Variants in FHIT observed in about 807,000 individuals in gnomAD.
FHIT encodes the protein bis(5'-adenosyl)-triphosphatase.
A neutral mutation model predicts 17.9 loss-of-function variants in FHIT; 19 were observed. The ratio of observed to expected loss-of-function variants is 1.06; its 90% CI spans 0.74 to 1.56. The LOEUF (loss-of-function observed/expected upper bound fraction) is 1.56, where lower values mean the gene tolerates loss of function less well. Among genes scored for constraint, FHIT ranks in the 40% most tolerant of loss-of-function variants. The probability of loss-of-function intolerance (pLI) is 0.00; values close to 1 mark genes in which losing one functional copy is unlikely to be tolerated. For missense variants in FHIT, 248 were observed against 189.2 expected (o/e 1.31, Z -1.82); for synonymous variants, 81 against 69.7 (o/e 1.16, Z -0.81).
intron 3 of FHIT, among the ~76,000 whole-genome samples, chr3:60,877,933 G>T (rs1196154333): frequency 6.6e-6 from 1 of 152,056 alleles, no homozygotes; most frequent in South Asian, 2.1e-4. Context: ...GCCACATGGA[G>T]TCTGGGATAC....
At position 60,146,277 on chromosome 3, in the gene FHIT, G is replaced by A. The variant is rs976061667; in HGVS notation, c.104-132125C>T. Among the ~76,000 whole-genome samples the A allele has an allele frequency of 6.6e-5, 10 of 151,216 alleles. 1 individual carries two copies. The highest frequency in any genetic ancestry group is 2.2e-4 in the African/African-American group (9 of 41,158). On this transcript the variant is annotated intron_variant, in intron 5 of 9. Transcript: ENST00000492590. The stretch of plus-strand genomic sequence containing the variant: ...AAAAAAAAAGGGCAGGGGGTAGGAG[G>A]GGGCTGACTTGCAGCCAATTTCAAG...
chr3:59,790,520 CTCTCTCTCTGTG>C, intron 8 of FHIT, among the ~76,000 whole-genome samples: 1 of 139,808 alleles, frequency 7.2e-6, no homozygotes, highest in Non-Finnish European at 1.5e-5. Flanking sequence ...CTCTCTCTCT[CTCTCTCTCTGTG>C]TGTGTGTGTG....
chr3:60,327,606 A>G lies in FHIT; in HGVS notation c.103+209254T>C, dbSNP rs146530613. Among the ~76,000 whole-genome samples the G allele has an allele frequency of 2.8e-3, 427 of 152,332 alleles. 7 individuals carry two copies. In the East Asian group the frequency reaches 0.066, roughly 24 times the overall value. ...ATATTTAATATTATGAATGAATGTG[A>G]TAACTCCAAACCAGCCAACCCTCCT... On this transcript the variant is annotated intron_variant, in intron 5 of 9. Coordinates refer to ENST00000492590, the MANE Select transcript of FHIT (RefSeq NM_002012.4).
At chr3:60,193,912 C>T (rs1469961185) in intron 5 of FHIT, among the ~76,000 whole-genome samples, 1 of 152,120 alleles carries the variant, frequency 6.6e-6, no homozygotes, top group Non-Finnish European at 1.5e-5. Flanking sequence ...AATGGGCTCG[C>T]TTTCCAATCT....
rs573347741 is a variant in FHIT, at chr3:60,586,367, T to C, written c.-17-49388A>G. 2.6e-5 allele frequency among the ~76,000 whole-genome samples: 4 copies of C among 152,098 alleles called. No homozygotes were observed. In the South Asian group the frequency reaches 8.3e-4, roughly 32 times the overall value. ...GCTCTTATCCAGCAAAGTTTAAAGT[T>C]AGAGATAAAAACAACAACAAAAACC... On this transcript the variant is annotated intron_variant, in intron 4 of 9. Transcript: ENST00000492590.
chr3:60,634,292 A>C (rs1381412139), intron 4 of FHIT, among the ~76,000 whole-genome samples: 37 of 118,740 alleles, frequency 3.1e-4, no homozygotes, highest in African/African-American at 6.5e-4. Flanking sequence ...CTAAAACAAC[A>C]AAAAAAAAAT....
chr3:61,147,797 T>C (rs1436324793), intron 2 of FHIT, among the ~76,000 whole-genome samples: 1 of 151,998 alleles, frequency 6.6e-6, no homozygotes. Context: ...TGGCAACTTA[T>C]TCATTTACAG....
At chr3:60,241,535 G>A (rs1424076906) in intron 5 of FHIT, among the ~76,000 whole-genome samples, 1 of 152,048 alleles carries the variant, frequency 6.6e-6, no homozygotes, top group African/African-American at 2.4e-5. Flanking sequence ...CTATTAATCT[G>A]TAGTTTTTTT....
chr3:61,098,125 A>T (rs907455162), intron 2 of FHIT, among the ~76,000 whole-genome samples: 1 of 152,154 alleles, frequency 6.6e-6, no homozygotes, highest in African/African-American at 2.4e-5. Context: ...TAATTTTTGT[A>T]TATGATATAA....
chr3:60,573,189 G>T (rs909686392), intron 4 of FHIT, among the ~76,000 whole-genome samples: 1 of 152,096 alleles, frequency 6.6e-6, no homozygotes, highest in Non-Finnish European at 1.5e-5. Context: ...GGCCTGGATG[G>T]AATGCAATCA....
chr3:60,015,634 T>G (rs1457752839), intron 5 of FHIT, among the ~76,000 whole-genome samples: 2 of 152,122 alleles, frequency 1.3e-5, no homozygotes, highest in African/African-American at 2.4e-5. Context: ...CACCCTCACT[T>G]AGGCCTGACT....
chr3:61,231,089 C>G (rs1430020872), intron 1 of FHIT, among the ~76,000 whole-genome samples: 1 of 152,108 alleles, frequency 6.6e-6, no homozygotes, highest in African/African-American at 2.4e-5. Context: ...TATAGTTTTA[C>G]AAAATGTTAT....
intron 5 of FHIT, among the ~76,000 whole-genome samples, chr3:60,504,950 TA>T (rs1384695334): frequency 2.0e-5 from 3 of 152,240 alleles, no homozygotes; most frequent in Admixed American, 2.0e-4. Flanking sequence ...GTCAAACTGC[TA>T]TACGTCAGCA....
At chr3:61,125,898 T>C (rs925017278) in intron 2 of FHIT, among the ~76,000 whole-genome samples, 7 of 152,210 alleles carry the variant, frequency 4.6e-5, no homozygotes, top group Admixed American at 2.6e-4. Context: ...CCTTGACATA[T>C]AGAATCTTCT....
At chr3:59,804,182 G>T (rs1465176730) in intron 8 of FHIT, among the ~76,000 whole-genome samples, 1 of 152,212 alleles carries the variant, frequency 6.6e-6, no homozygotes, top group East Asian at 1.9e-4. Flanking sequence ...CATTTGAGGA[G>T]AGTAGGAAAT....
chr3:59,752,017 A>G, intron 9 of FHIT: 2 of 434,812 alleles, frequency 4.6e-6, no homozygotes, highest in Non-Finnish European at 4.1e-6. Context: ...AAGAGAGTGA[A>G]GAGGCAGGAG....
chr3:60,392,934 G>C (rs1452596735), intron 5 of FHIT, among the ~76,000 whole-genome samples: 1 of 152,060 alleles, frequency 6.6e-6, no homozygotes, highest in Non-Finnish European at 1.5e-5. Flanking sequence ...CGGGAAAGGT[G>C]GCTGAAGCTT....
chr3:60,544,596 A>ATTTT lies in FHIT; in HGVS notation c.-17-7621_-17-7618dup, dbSNP rs33965820. ...AAGTTGGCCAATAATTTCTCAACCT[A>ATTTT]TTTTTTTTTTTTTTTTTTTGAGACA... On this transcript the variant is annotated intron_variant, in intron 4 of 9. Transcript: ENST00000492590. Among the ~76,000 whole-genome samples the ATTTT allele has an allele frequency of 1.2e-3, 154 of 124,308 alleles. 1 individual carries two copies. Among genetic ancestry groups the ATTTT allele is most frequent in the East Asian group, 2.1e-3 (9 of 4,264 alleles). The allele number at this position is 124,308 out of a possible 152,430, so 81.6% of individuals were successfully genotyped here. A position where few individuals can be genotyped will look rare whatever the true frequency, so the allele number is the denominator to read the frequency against.
At chr3:60,941,346 A>AT (rs1708398729) in intron 3 of FHIT, among the ~76,000 whole-genome samples, 1 of 152,154 alleles carries the variant, frequency 6.6e-6, no homozygotes, top group South Asian at 2.1e-4. Context: ...TGGCACCTTC[A>AT]TTTCTCTTCT....
Sources: gnomAD v4.1 joint callset for allele counts (sites outside exome capture counted in the v4.1 genomes callset) on GRCh38, gnomAD v4.1.1 for gene constraint, MANE v1.5 for transcripts, NCBI Gene and HGNC (gene_info 2026-07-23, HGNC 2026-07-21) for gene names.